SLC9A9: variants seen among roughly 807,000 people sequenced by gnomAD.
SLC9A9 encodes the protein sodium/hydrogen exchanger 9.
A neutral mutation model predicts 77.8 loss-of-function variants in SLC9A9; 62 were observed. The ratio of observed to expected loss-of-function variants is 0.80; its 90% CI spans 0.65 to 0.98. The LOEUF is 0.98. Ranked by LOEUF, SLC9A9 falls within the 50% of genes least tolerant of loss-of-function variation. The probability of loss-of-function intolerance (pLI) is 0.00; values close to 1 mark genes in which losing one functional copy is unlikely to be tolerated. For missense variants in SLC9A9, 775 were observed against 774.9 expected, an observed-to-expected ratio of 1.00 and a Z score of 0.00; for synonymous variants, 320 against 283.5, an observed-to-expected ratio of 1.13 and a Z score of -1.29.
chr3:143,517,020 G>A (rs978104454), intron 9 of SLC9A9: 13 of 719,540 alleles, frequency 1.8e-5, no homozygotes, highest in South Asian at 1.2e-4. Context: ...AGCAATTTCT[G>A]TTTATTGAGT....
intron 14 of SLC9A9, among the ~76,000 whole-genome samples, chr3:143,331,600 G>A (rs185165973): frequency 6.6e-6 from 1 of 152,286 alleles, no homozygotes; most frequent in African/African-American, 2.4e-5. Flanking sequence ...AGCAGTGCCT[G>A]TAGACACTAT....
At chr3:143,815,247 T>TA (rs925356285) in intron 2 of SLC9A9, among the ~76,000 whole-genome samples, 6 of 152,104 alleles carry the variant, frequency 3.9e-5, no homozygotes, top group Non-Finnish European at 7.4e-5. Flanking sequence ...GTTTTCATAG[T>TA]AAAAAAATTA....
intron 4 of SLC9A9, among the ~76,000 whole-genome samples, chr3:143,737,402 A>T (rs1934965789): frequency 6.6e-6 from 1 of 152,046 alleles, no homozygotes; most frequent in African/African-American, 2.4e-5. Context: ...AATAATTAAG[A>T]TTGAATCATA....
chr3:143,662,970 C>A (rs1284605727), intron 5 of SLC9A9, among the ~76,000 whole-genome samples: 1 of 152,132 alleles, frequency 6.6e-6, no homozygotes, highest in African/African-American at 2.4e-5. Context: ...GATCTGAGAA[C>A]TGAAAGACTG....
At chr3:143,661,205 T>C (rs552778652) in intron 5 of SLC9A9, among the ~76,000 whole-genome samples, 1 of 152,340 alleles carries the variant, frequency 6.6e-6, no homozygotes, top group East Asian at 1.9e-4. Flanking sequence ...GCTCTCACCA[T>C]AGAAGCAAAC....
intron 5 of SLC9A9, among the ~76,000 whole-genome samples, chr3:143,670,981 A>G (rs922868640): frequency 6.6e-6 from 1 of 152,220 alleles, no homozygotes; most frequent in African/African-American, 2.4e-5. Flanking sequence ...AGAAACAGCA[A>G]TGGTGTAGGA....
intron 6 of SLC9A9, among the ~76,000 whole-genome samples, chr3:143,606,775 AAGAT>A (rs2037936140): frequency 6.6e-6 from 1 of 151,982 alleles, no homozygotes; most frequent in Non-Finnish European, 1.5e-5. Context: ...AAAAAACAAA[AAGAT>A]AGAAAGGTAA....
chr3:143,512,384 C>T (rs563824711), intron 9 of SLC9A9, among the ~76,000 whole-genome samples: 2 of 152,136 alleles, frequency 1.3e-5, no homozygotes, highest in East Asian at 3.9e-4. Flanking sequence ...GGAAAACCAC[C>T]AAAACATATA....
chr3:143,656,124 G>T (rs2038883528), intron 5 of SLC9A9, among the ~76,000 whole-genome samples: 1 of 152,214 alleles, frequency 6.6e-6, no homozygotes, highest in Non-Finnish European at 1.5e-5. Flanking sequence ...AGAAACACAT[G>T]AGTTAGAGGC....
intron 9 of SLC9A9, among the ~76,000 whole-genome samples, chr3:143,511,009 C>T (rs1394539142): frequency 6.6e-6 from 1 of 152,200 alleles, no homozygotes; most frequent in Admixed American, 6.5e-5. Context: ...TGAAGCAACA[C>T]TGAAAAGACA....
chr3:143,759,705 A>G (rs1210200580), intron 4 of SLC9A9, among the ~76,000 whole-genome samples: 1 of 151,828 alleles, frequency 6.6e-6, no homozygotes, highest in Admixed American at 6.6e-5. Context: ...ATGAGAGTCA[A>G]CTAAAATACC....
chr3:143,839,023 G>A (rs924638733), intron 1 of SLC9A9, among the ~76,000 whole-genome samples: 2 of 152,000 alleles, frequency 1.3e-5, no homozygotes, highest in South Asian at 2.1e-4. Flanking sequence ...ATTTCCTAAC[G>A]TTTTCCCTTT....
At chr3:143,585,819 G>C (rs539379465) in intron 6 of SLC9A9, among the ~76,000 whole-genome samples, 1 of 152,258 alleles carries the variant, frequency 6.6e-6, no homozygotes, top group African/African-American at 2.4e-5. Flanking sequence ...AAATCTTTAG[G>C]CCAGAAGAGG....
chr3:143,400,473 G>A (rs770281286), intron 12 of SLC9A9, among the ~76,000 whole-genome samples: 5 of 152,012 alleles, frequency 3.3e-5, no homozygotes, highest in Non-Finnish European at 5.9e-5. Flanking sequence ...CTCATAAGTG[G>A]GAACTAAGCT....
chr3:143,486,149 AAAAAAC>A (rs1157705639), intron 11 of SLC9A9, among the ~76,000 whole-genome samples: 3 of 152,174 alleles, frequency 2.0e-5, no homozygotes, highest in Non-Finnish European at 2.9e-5. Context: ...AGAAAAAAAT[AAAAAAC>A]AAAAACAAAA....
intron 8 of SLC9A9, among the ~76,000 whole-genome samples, chr3:143,570,837 C>G (rs1361003120): frequency 1.3e-5 from 2 of 151,908 alleles, no homozygotes; most frequent in Non-Finnish European, 2.9e-5. Flanking sequence ...CAAATATTAA[C>G]AATTGTTATT....
chr3:143,629,705 T>G (rs563758310), intron 6 of SLC9A9, among the ~76,000 whole-genome samples: 1 of 152,088 alleles, frequency 6.6e-6, no homozygotes, highest in South Asian at 2.1e-4. Context: ...GAAAGAGCTG[T>G]CCAGGAAAGA....
At chr3:143,432,982 GCT>G (rs2034552452) in intron 12 of SLC9A9, among the ~76,000 whole-genome samples, 1 of 152,134 alleles carries the variant, frequency 6.6e-6, no homozygotes, top group African/African-American at 2.4e-5. Flanking sequence ...CTCAAAACAT[GCT>G]CTGATTAGAC....
chr3:143,561,420 C>T (rs2037082314), intron 8 of SLC9A9, among the ~76,000 whole-genome samples: 1 of 151,832 alleles, frequency 6.6e-6, no homozygotes, highest in African/African-American at 2.4e-5. Context: ...AAAAATAGAC[C>T]CAATGTAAGC....
Sources: allele counts gnomAD v4.1 joint callset (sites outside exome capture counted in the v4.1 genomes callset), GRCh38; gene constraint gnomAD v4.1.1; transcripts MANE v1.5; gene names NCBI Gene and HGNC (gene_info 2026-07-23, HGNC 2026-07-21).